Variants in NTM observed in about 807,000 individuals in gnomAD.
The protein encoded by NTM is neurotrimin, also known as IgLON family member 2.
In NTM, 13 loss-of-function variants were observed where a neutral mutation model predicts 42.1. The observed-to-expected ratio is 0.31, with a 90% CI of 0.20 to 0.49. The LOEUF (loss-of-function observed/expected upper bound fraction) is 0.49, where lower values mean the gene tolerates loss of function less well. NTM is among the 20% of genes least tolerant of loss of function. The pLI, the probability that NTM is intolerant of heterozygous loss-of-function variation, is 0.99. For synonymous variants in NTM, 187 were observed against 179.2 expected, an observed-to-expected ratio of 1.04 and a Z score of -0.35; for missense variants, 373 against 452.8, an observed-to-expected ratio of 0.82 and a Z score of 1.60.
At chr11:132,280,620 G>A (rs1477994608) in intron 4 of NTM, among the ~76,000 whole-genome samples, 1 of 151,350 alleles carries the variant, frequency 6.6e-6, no homozygotes, top group Non-Finnish European at 1.5e-5. Context: ...CAAGTAACTG[G>A]GATTACAGGT....
intron 1 of NTM, among the ~76,000 whole-genome samples, chr11:131,793,809 G>T (rs1433045657): frequency 6.6e-6 from 1 of 152,148 alleles, no homozygotes; most frequent in Non-Finnish European, 1.5e-5. Context: ...GCATGGATCT[G>T]AGCATCAGCA....
intron 3 of NTM, among the ~76,000 whole-genome samples, chr11:132,196,968 G>A (rs1226366648): frequency 1.1e-4 from 17 of 152,246 alleles, no homozygotes; most frequent in Non-Finnish European, 2.2e-4. Flanking sequence ...AAAAAGCATC[G>A]AATCCAGTTT....
intron 1 of NTM, chr11:131,897,193 C>A (rs2052440540): frequency 6.6e-6 from 1 of 152,038 alleles, no homozygotes; most frequent in African/African-American, 2.4e-5. Flanking sequence ...TGTGCCCTGC[C>A]CCTGTTAAGA....
In NTM at chr11:131,767,154, G is replaced by T. The variant is rs149199697; in HGVS notation, c.83-144410G>T. On this transcript the variant is annotated intron_variant, in intron 1 of 8. Transcript: ENST00000683400. The stretch of plus-strand genomic sequence containing the variant: ...TCAACAGTTCAGGCTCCAGATTCCC[G>T]ATTTACTAAATTCTCAAAGACAAAT... 3.1e-6 allele frequency: 3 copies of T among 977,214 alleles called. No homozygotes were observed. The African/African-American group carries it at 5.2e-5, about 17-fold the overall frequency. 60.5% of individuals were successfully genotyped at this position (977,214 alleles called of 1,614,324 possible). A position where few individuals can be genotyped will look rare whatever the true frequency, so the allele number is the denominator to read the frequency against.
intron 1 of NTM, among the ~76,000 whole-genome samples, chr11:131,652,270 G>T (rs1489907690): frequency 2.6e-5 from 4 of 152,216 alleles, no homozygotes; most frequent in African/African-American, 9.6e-5. Context: ...CATGATCATT[G>T]TGTTTTTTTT....
chr11:131,762,499 G>A (rs1355289576), intron 1 of NTM, among the ~76,000 whole-genome samples: 2 of 152,354 alleles, frequency 1.3e-5, no homozygotes, highest in Admixed American at 6.5e-5. Flanking sequence ...CCAAGGGCAG[G>A]TTGGCGCTGA....
intron 2 of NTM, among the ~76,000 whole-genome samples, chr11:132,068,507 G>A (rs953105321): frequency 1.3e-5 from 2 of 152,146 alleles, no homozygotes; most frequent in Admixed American, 6.5e-5. Context: ...GGCTTCTATG[G>A]ATTCGCTGGT....
chr11:131,804,655 C>A (rs950423940), intron 1 of NTM, among the ~76,000 whole-genome samples: 1 of 152,196 alleles, frequency 6.6e-6, no homozygotes, highest in East Asian at 1.9e-4. Context: ...CTCAGCCAAC[C>A]TGACAGCATC....
intron 1 of NTM, among the ~76,000 whole-genome samples, chr11:131,491,666 G>A (rs957202975): frequency 4.6e-5 from 7 of 152,124 alleles, no homozygotes; most frequent in African/African-American, 1.4e-4. Flanking sequence ...AAGAAATCAC[G>A]TTCAGTGTAA....
At chr11:132,007,906 G>A (rs1275972550) in intron 2 of NTM, among the ~76,000 whole-genome samples, 1 of 152,158 alleles carries the variant, frequency 6.6e-6, no homozygotes, top group African/African-American at 2.4e-5. Context: ...GGAGGTAAAA[G>A]GTAGATGGTG....
intron 1 of NTM, among the ~76,000 whole-genome samples, chr11:131,789,605 A>AAGGAGAAGG (rs1303320721): frequency 1.2e-4 from 9 of 75,576 alleles, no homozygotes; most frequent in Non-Finnish European, 1.8e-4. Context: ...GAAGAAGAAG[A>AAGGAGAAGG]AGAAGAAGAA....
intron 1 of NTM, among the ~76,000 whole-genome samples, chr11:131,400,061 T>G (rs1159391018): frequency 2.0e-5 from 3 of 150,806 alleles, no homozygotes; most frequent in South Asian, 4.3e-4. Flanking sequence ...CATCATTGAT[T>G]GGTAGCATGT....
intron 3 of NTM, among the ~76,000 whole-genome samples, chr11:132,175,128 A>G (rs765171976): frequency 1.3e-5 from 2 of 152,152 alleles, no homozygotes; most frequent in African/African-American, 2.4e-5. Context: ...ATACTAGAGA[A>G]TGATTTAGTG....
In NTM at chr11:131,557,187, C is replaced by T. The variant is rs78668785; in HGVS notation, c.82+186299C>T. On this transcript the variant is annotated intron_variant, in intron 1 of 8. Transcript: ENST00000683400. ...AGAAGTTGGGCTTAAAGTTGAGTAA[C>T]TAAAGTAGGGTAACTAGGTTGCTAT... Among the ~76,000 whole-genome samples the T allele has an allele frequency of 1.8e-3, 278 of 152,094 alleles. 2 individuals are homozygous for T. Among genetic ancestry groups the T allele is most frequent in the East Asian group, 0.014 (73 of 5,168 alleles).
intron 4 of NTM, among the ~76,000 whole-genome samples, chr11:132,273,096 T>C (rs1384449173): frequency 6.6e-6 from 1 of 152,192 alleles, no homozygotes; most frequent in South Asian, 2.1e-4. Flanking sequence ...GTTTGTTGTG[T>C]GTTTTTTTTA....
chr11:132,185,529 A>G (rs2078261307), intron 3 of NTM, among the ~76,000 whole-genome samples: 1 of 152,180 alleles, frequency 6.6e-6, no homozygotes, highest in Non-Finnish European at 1.5e-5. Context: ...ATTTTGTTAT[A>G]CCACAAATAG....
chr11:131,789,635 AAAAGAAGAAGAAGAAGAAGAAG>A (rs2090467456), intron 1 of NTM, among the ~76,000 whole-genome samples: 1 of 37,906 alleles, frequency 2.6e-5, no homozygotes, highest in African/African-American at 9.4e-5. Flanking sequence ...GAAGAAGAAG[AAAAGAAGAAGAAGAAGAAGAAG>A]AAGAAGAAGA....
chr11:131,396,364 C>T (rs1944552855), intron 1 of NTM, among the ~76,000 whole-genome samples: 1 of 152,192 alleles, frequency 6.6e-6, no homozygotes, highest in South Asian at 2.1e-4. Context: ...TCTTGAGCTT[C>T]TCTGCCACTT....
chr11:131,635,806 A>C (rs924323542), intron 1 of NTM, among the ~76,000 whole-genome samples: 1 of 152,188 alleles, frequency 6.6e-6, no homozygotes, highest in East Asian at 1.9e-4. Flanking sequence ...CCAGTCCTGC[A>C]AACTCCATTC....
Sources: gnomAD v4.1 joint callset for allele counts (sites outside exome capture counted in the v4.1 genomes callset) on GRCh38, gnomAD v4.1.1 for gene constraint, MANE v1.5 for transcripts, NCBI Gene and HGNC (gene_info 2026-07-23, HGNC 2026-07-21) for gene names.